The following KLHL29 variants were observed in gnomAD, a reference collection of about 807,000 sequenced individuals.
KLHL29 encodes the protein kelch like family member 29.
A neutral mutation model predicts 80.4 loss-of-function variants in KLHL29; 21 were observed. The observed-to-expected ratio is 0.26, with a 90% CI of 0.19 to 0.38. The LOEUF (loss-of-function observed/expected upper bound fraction) is 0.38, where lower values mean the gene tolerates loss of function less well. Ranked by LOEUF, KLHL29 falls within the 10% of genes least tolerant of loss-of-function variation. The pLI is 1.00. For missense variants in KLHL29, 867 were observed against 1,223.9 expected, an observed-to-expected ratio of 0.71 and a Z score of 4.35; for synonymous variants, 511 against 526.8, an observed-to-expected ratio of 0.97 and a Z score of 0.41.
At chr2:23,532,105 C>A (rs1051478137) in intron 2 of KLHL29, among the ~76,000 whole-genome samples, 19 of 152,318 alleles carry the variant, frequency 1.2e-4, no homozygotes, top group African/African-American at 4.1e-4. Context: ...CGACCCCCCA[C>A]AGACCAGAAC....
intron 1 of KLHL29, among the ~76,000 whole-genome samples, chr2:23,391,347 C>G (rs1046336775): frequency 4.6e-5 from 7 of 152,176 alleles, no homozygotes; most frequent in African/African-American, 1.4e-4. Context: ...CTGAGAATAA[C>G]GCTGCTGTGA....
At chr2:23,528,677 TC>T (rs2103475988) in intron 2 of KLHL29, among the ~76,000 whole-genome samples, 1 of 152,356 alleles carries the variant, frequency 6.6e-6, no homozygotes, top group South Asian at 2.1e-4. Context: ...ACTAATAATG[TC>T]ACGCTGTTAA....
chr2:23,397,375 T>C (rs920271), intron 1 of KLHL29, among the ~76,000 whole-genome samples: 119,205 of 152,224 alleles, frequency 0.78, 46,791 homozygotes, highest in South Asian at 0.87. Flanking sequence ...ATTCTGCAGA[T>C]ACCACAATAA....
chr2:23,629,700 T>A (rs576549514), intron 3 of KLHL29, among the ~76,000 whole-genome samples: 1 of 152,000 alleles, frequency 6.6e-6, no homozygotes, highest in Non-Finnish European at 1.5e-5. Context: ...AGCAAAAGTG[T>A]CTCCAAGGTA....
chr2:23,524,128 T>G (rs771374643), intron 2 of KLHL29: 4 of 444,674 alleles, frequency 9.0e-6, no homozygotes, highest in African/African-American at 8.2e-5. Flanking sequence ...GATGCAAGTG[T>G]TCCCATTTCT....
At chr2:23,654,267 C>T (rs926050140) in intron 5 of KLHL29, among the ~76,000 whole-genome samples, 5 of 152,122 alleles carry the variant, frequency 3.3e-5, no homozygotes, top group African/African-American at 9.7e-5. Context: ...AGAGCACCTT[C>T]GAGAGCCAGA....
chr2:23,596,867 TG>T lies in KLHL29; in HGVS notation c.285+34388del, dbSNP rs1437513574. On this transcript the variant is annotated intron_variant, in intron 3 of 13. Coordinates refer to ENST00000486442, the MANE Select transcript of KLHL29 (RefSeq NM_052920.2). This position sits in a 1 kb window ranked among gnomAD's most constrained non-coding sequence, Gnocchi z 4.4. ...TTCAGATTTTCCTCCTTCTTACTCA[TG>T]GCACTCATGTAAGTGCTACTTCTGG... Among the ~76,000 whole-genome samples the T allele has an allele frequency of 6.6e-6, 1 of 152,182 alleles. No individual in the cohort carries two copies. The highest frequency in any genetic ancestry group is 1.5e-5 in the Non-Finnish European group (1 of 68,040).
chr2:23,527,447 G>A (rs1666361910), intron 2 of KLHL29, among the ~76,000 whole-genome samples: 1 of 152,228 alleles, frequency 6.6e-6, no homozygotes, highest in South Asian at 2.1e-4. Flanking sequence ...TGCCTGCTCA[G>A]AGACTGTGGA....
At chr2:23,629,046 C>T (rs1463825203) in intron 3 of KLHL29, among the ~76,000 whole-genome samples, 2 of 152,242 alleles carry the variant, frequency 1.3e-5, no homozygotes, top group Non-Finnish European at 2.9e-5. Context: ...TGCCTTGTCA[C>T]CAATGCCGCG....
intron 3 of KLHL29, among the ~76,000 whole-genome samples, chr2:23,573,926 C>G (rs1029389872): frequency 5.3e-5 from 8 of 152,154 alleles, no homozygotes; most frequent in Admixed American, 5.2e-4. Context: ...CCAGTTCCTT[C>G]GCAGAAGGGC....
chr2:23,494,418 T>C (rs2103450259), intron 2 of KLHL29, among the ~76,000 whole-genome samples: 1 of 152,312 alleles, frequency 6.6e-6, no homozygotes, highest in Admixed American at 6.5e-5. Flanking sequence ...TCCACGGAGA[T>C]GCTTTCCTGT....
chr2:23,478,619 A>G (rs1009490213), intron 2 of KLHL29, among the ~76,000 whole-genome samples: 1 of 152,162 alleles, frequency 6.6e-6, no homozygotes, highest in Non-Finnish European at 1.5e-5. Context: ...CCGAGGACTC[A>G]GTTTGCGCAG....
At chr2:23,385,954 G>T (rs1439856914) in intron 1 of KLHL29, among the ~76,000 whole-genome samples, 174 bp downstream of exon 1, 1 of 151,994 alleles carries the variant, frequency 6.6e-6, no homozygotes, top group Non-Finnish European at 1.5e-5. Flanking sequence ...GTCTGGACTC[G>T]CAGGCTGCAG....
At chr2:23,407,225 A>G (rs1286214503) in intron 1 of KLHL29, among the ~76,000 whole-genome samples, 1 of 152,222 alleles carries the variant, frequency 6.6e-6, no homozygotes, top group Non-Finnish European at 1.5e-5. Context: ...ATTTTGGGTT[A>G]CTTCTTTAGG....
In KLHL29 at chr2:23,515,657, G is replaced by GA. The variant is rs1404285435; in HGVS notation, c.-46+39992dup. ...TGCCCAGCACAATTCCTGGCCCACA[G>GA]AAGGTCTCCTGTGAACGAGGATCTA... On this transcript the variant is annotated intron_variant, in intron 2 of 13. Coordinates refer to ENST00000486442, the MANE Select transcript of KLHL29 (RefSeq NM_052920.2). 2.0e-5 allele frequency among the ~76,000 whole-genome samples: 3 copies of GA among 152,376 alleles called. No individual in the cohort carries two copies. In the East Asian group the frequency reaches 5.8e-4, roughly 29 times the overall value.
At chr2:23,410,767 C>T (rs1220448308) in intron 1 of KLHL29, among the ~76,000 whole-genome samples, 1 of 152,064 alleles carries the variant, frequency 6.6e-6, no homozygotes, top group Non-Finnish European at 1.5e-5. Flanking sequence ...CCACCATGTG[C>T]TGGCTGAGTC....
In KLHL29 at chr2:23,681,471, G is replaced by T. The variant is rs1671081732; in HGVS notation, c.941-2928G>T. On this transcript the variant is annotated intron_variant, in intron 5 of 13. Coordinates refer to ENST00000486442, the MANE Select transcript of KLHL29 (RefSeq NM_052920.2). The surrounding 1 kb of genome is among the most constrained non-coding windows in gnomAD (Gnocchi z 4.2). ...GCCGGGACCTCGATTTGAAAGGAAGGTCTTCAGAAACCCTCAGGATGCCTC... is the reference window on the plus strand; with the variant it reads ...GCCGGGACCTCGATTTGAAAGGAAGTTCTTCAGAAACCCTCAGGATGCCTC... 6.6e-6 allele frequency among the ~76,000 whole-genome samples: 1 copy of T among 152,160 alleles called. No individual in the cohort carries two copies. The highest frequency in any genetic ancestry group is 2.4e-5 in the African/African-American group (1 of 41,422).
chr2:23,412,010 G>T (rs1011308407), intron 1 of KLHL29, among the ~76,000 whole-genome samples: 4 of 151,918 alleles, frequency 2.6e-5, no homozygotes, highest in Non-Finnish European at 4.4e-5. Flanking sequence ...GGTGGTGAGA[G>T]CATTTGGGGC....
At chr2:23,660,298 GC>G (rs888408348) in intron 5 of KLHL29, among the ~76,000 whole-genome samples, 2 of 152,196 alleles carry the variant, frequency 1.3e-5, no homozygotes, top group Non-Finnish European at 2.9e-5. Flanking sequence ...GGTCACCTCA[GC>G]TCCCTGTTGC....
Sources: allele counts gnomAD v4.1 joint callset (sites outside exome capture counted in the v4.1 genomes callset), GRCh38; gene constraint gnomAD v4.1.1; non-coding constraint Gnocchi (gnomAD v3.1); transcripts MANE v1.5; gene names NCBI Gene and HGNC (gene_info 2026-07-23, HGNC 2026-07-21).